MEGF6: variants seen among roughly 807,000 people sequenced by gnomAD.
MEGF6 encodes multiple EGF like domains 6, also known as multiple epidermal growth factor-like domains protein 6.
A neutral mutation model predicts 207.1 loss-of-function variants in MEGF6; 184 were observed. That is an observed-to-expected ratio of 0.89 (90% CI 0.79 to 1.00). The LOEUF is 1.00. Ranked by LOEUF, MEGF6 falls within the 50% of genes least tolerant of loss-of-function variation. The probability of loss-of-function intolerance (pLI) is 0.00; values close to 1 mark genes in which losing one functional copy is unlikely to be tolerated. For synonymous variants in MEGF6, 1,038 were observed against 910.0 expected, an observed-to-expected ratio of 1.14 and a Z score of -2.53; for missense variants, 2,282 against 2,202.9, an observed-to-expected ratio of 1.04 and a Z score of -0.72.
chr1:3,525,335 A>G (rs1641921474), intron 4 of MEGF6, among the ~76,000 whole-genome samples: 1 of 152,226 alleles, frequency 6.6e-6, no homozygotes, highest in African/African-American at 2.4e-5. Context: ...AAGGCGGTAG[A>G]GGGGAGTAGG....
At chr1:3,491,435 C>T (rs116356157) in intron 35 of MEGF6, among the ~76,000 whole-genome samples, 8,919 of 152,220 alleles carry the variant, frequency 0.059, 400 homozygotes, top group East Asian at 0.14. Flanking sequence ...CCTGCACCAG[C>T]GCACAGGCTG....
intron 3 of MEGF6, among the ~76,000 whole-genome samples, chr1:3,583,304 G>A (rs1007024249): frequency 1.2e-4 from 17 of 139,826 alleles, no homozygotes; most frequent in South Asian, 4.6e-4. Flanking sequence ...ACCAGACAAC[G>A]CGCAGCCACC....
chr1:3,513,555 GGT>G (rs1020427289), intron 7 of MEGF6, among the ~76,000 whole-genome samples: 1 of 147,472 alleles, frequency 6.8e-6, no homozygotes, highest in African/African-American at 2.5e-5. Flanking sequence ...TGGGATTACA[GGT>G]GTGAGCCACC....
At chr1:3,569,785 G>A (rs1041903760) in intron 4 of MEGF6, among the ~76,000 whole-genome samples, 3 of 152,220 alleles carry the variant, frequency 2.0e-5, no homozygotes, top group African/African-American at 4.8e-5. Context: ...GCAGTTGGGG[G>A]AGCCTACAGA....
intron 4 of MEGF6, chr1:3,531,501 G>GCCGCCCCCGGCC (rs1642170594): frequency 1.3e-5 from 14 of 1,056,924 alleles, no homozygotes; most frequent in Non-Finnish European, 1.6e-5. Flanking sequence ...AACCGAGGGA[G>GCCGCCCCCGGCC]CCGCCCCCGG....
At chr1:3,616,865 G>T in the MEGF6 span, among the ~76,000 whole-genome samples, 1 of 152,178 alleles carries the variant, frequency 6.6e-6, no homozygotes, top group Non-Finnish European at 1.5e-5. Context: ...GCCTGGCTGG[G>T]ATGTCTTCCT....
At chr1:3,506,086 T>C in intron 15 of MEGF6, 22 bp downstream of exon 15, 1 of 1,575,418 alleles carries the variant, frequency 6.3e-7, no homozygotes, top group Non-Finnish European at 8.6e-7. Flanking sequence ...CCATGGACAC[T>C]GGAAGGGGCA....
At chr1:3,575,181 G>A (rs1643608617) in intron 4 of MEGF6, among the ~76,000 whole-genome samples, 1 of 152,220 alleles carries the variant, frequency 6.6e-6, no homozygotes, top group Non-Finnish European at 1.5e-5. Flanking sequence ...AGTGGGTGTT[G>A]GGGAAGGGGT....
At chr1:3,567,979 C>A (rs896469361) in intron 4 of MEGF6, among the ~76,000 whole-genome samples, 2 of 152,194 alleles carry the variant, frequency 1.3e-5, no homozygotes, top group African/African-American at 4.8e-5. Flanking sequence ...GTCTCACAGG[C>A]ACTGCCGTGC....
At chr1:3,577,636 G>A (rs1643677945) in intron 4 of MEGF6, among the ~76,000 whole-genome samples, 1 of 152,210 alleles carries the variant, frequency 6.6e-6, no homozygotes, top group African/African-American at 2.4e-5. Context: ...GCATGGGGCT[G>A]CTGCTGTGGA....
intron 4 of MEGF6, among the ~76,000 whole-genome samples, chr1:3,545,344 G>C (rs1247160035): frequency 6.6e-6 from 1 of 152,176 alleles, no homozygotes; most frequent in Admixed American, 6.5e-5. Flanking sequence ...CTGGGTGGGG[G>C]CTGAGTGGAC....
chr1:3,578,928 C>CACCCAGCTCAGAATGCTGGGGAGACCCAG (rs1557791112), intron 4 of MEGF6, among the ~76,000 whole-genome samples: 2 of 152,044 alleles, frequency 1.3e-5, no homozygotes, highest in Non-Finnish European at 2.9e-5. Flanking sequence ...GCAGGGGTGT[C>CACCCAGCTCAGAATGCTGGGGAGACCCAG]CTTCACAAAC....
chr1:3,576,448 A>G (rs933048228), intron 4 of MEGF6, among the ~76,000 whole-genome samples: 5 of 152,244 alleles, frequency 3.3e-5, no homozygotes, highest in Non-Finnish European at 4.4e-5. Flanking sequence ...TGGGGGAACC[A>G]GAAAATATGG....
chr1:3,544,178 G>A (rs1642625202), intron 4 of MEGF6, among the ~76,000 whole-genome samples: 1 of 150,970 alleles, frequency 6.6e-6, no homozygotes, highest in African/African-American at 2.5e-5. Context: ...GAAGGTCCAA[G>A]CATCAGGCTA....
At chr1:3,614,344 C>T (rs1033576456), upstream of MEGF6, among the ~76,000 whole-genome samples, 1 of 152,194 alleles carries the variant, frequency 6.6e-6, no homozygotes, top group Non-Finnish European at 1.5e-5. Context: ...CACAAGACAG[C>T]CGAGCGCCAA....
intron 4 of MEGF6, among the ~76,000 whole-genome samples, chr1:3,558,867 A>AT (rs911864775): frequency 3.3e-5 from 5 of 151,434 alleles, no homozygotes; most frequent in East Asian, 1.9e-4. Flanking sequence ...CATCTCTACA[A>AT]TTTTTTTTTA....
In MEGF6 at chr1:3,498,409, A is replaced by T; in HGVS notation, c.3314T>A (p.Leu1105His). Reference protein sequence around the residue: ...GLCDPHTGRCLCPAGWTGDKC... With the variant: ...GLCDPHTGRCHCPAGWTGDKC... ...GTCCCCAGTCCAGCCGGCTGGGCAG[A>T]GGCAGCGGCCCGTGTGCGGGTCACA... The change falls in exon 26 of 37, where the codon CTC becomes CAC. Residue 1105 changes from leucine to histidine, a missense_variant. Leu to His is a moderately conservative substitution (Grantham distance 99, BLOSUM62 -3). Transcript: ENST00000356575. 1 of 1,596,346 alleles carries T rather than the reference A, an allele frequency of 6.3e-7. No homozygotes were observed. Among genetic ancestry groups the T allele is most frequent in the Non-Finnish European group, 8.5e-7 (1 of 1,174,548 alleles).
intron 5 of MEGF6, among the ~76,000 whole-genome samples, chr1:3,521,125 A>G (rs1641731704): frequency 1.3e-5 from 2 of 152,078 alleles, no homozygotes. Flanking sequence ...CCTCCCGGCC[A>G]GGAGGACCCT....
intron 5 of MEGF6, among the ~76,000 whole-genome samples, chr1:3,522,034 G>A (rs1213930432): frequency 6.6e-6 from 1 of 152,262 alleles, no homozygotes; most frequent in African/African-American, 2.4e-5. Flanking sequence ...TTGCCAAAGC[G>A]AGGGTCACCA....
Sources: allele counts gnomAD v4.1 joint callset (sites outside exome capture counted in the v4.1 genomes callset), GRCh38; gene constraint gnomAD v4.1.1; transcripts MANE v1.5; gene names NCBI Gene and HGNC (gene_info 2026-07-23, HGNC 2026-07-21).